The following CGRRF1 variants were observed in gnomAD, a reference collection of about 807,000 sequenced individuals.
The protein encoded by CGRRF1 is cell growth regulator with RING finger domain protein 1.
CGRRF1 carries 32 observed loss-of-function variants against 37.2 expected under a neutral mutation model. The observed-to-expected ratio is 0.86, with a 90% CI of 0.65 to 1.16. The LOEUF is 1.16. Ranked by LOEUF, CGRRF1 falls within the 50% of genes most tolerant of loss-of-function variation. CGRRF1 has a pLI of 0.00. For missense variants in CGRRF1, 391 were observed against 382.6 expected (o/e 1.02, Z -0.18); for synonymous variants, 141 against 140.3 (o/e 1.00, Z -0.04).
At position 54,538,933 on chromosome 14, in the gene CGRRF1, A is replaced by G. The variant is rs1481535346; in HGVS notation, c.*550A>G. On this transcript the variant is annotated 3_prime_UTR_variant, in exon 6 of 6. Coordinates refer to ENST00000216420, the MANE Select transcript of CGRRF1 (RefSeq NM_006568.3). The stretch of plus-strand genomic sequence containing the variant: ...ACGTAAATACAGGTCATAGTTTTAA[A>G]TATAGGTTCTTAAATCATAAATACA... The G allele has an allele frequency of 6.6e-6, 1 of 152,352 alleles. No individual in the cohort carries two copies. The highest frequency in any genetic ancestry group is 2.4e-5 in the African/African-American group (1 of 41,448). The allele number at this position is 152,352 out of a possible 1,614,324, so 9.4% of individuals were successfully genotyped here.
At chr14:54,534,518 A>G (rs1485005319) in intron 4 of CGRRF1, among the ~76,000 whole-genome samples, 1 of 152,246 alleles carries the variant, frequency 6.6e-6, no homozygotes, top group East Asian at 1.9e-4. Context: ...TACTAAATTA[A>G]TAAATCTTTA....
chr14:54,510,240 C>G (rs527700221), intron 1 of CGRRF1, 177 bp downstream of exon 1: 1 of 601,062 alleles, frequency 1.7e-6, no homozygotes, highest in Non-Finnish European at 3.0e-6. Flanking sequence ...GACGCTGCAC[C>G]TGCGTCACTG....
intron 1 of CGRRF1, among the ~76,000 whole-genome samples, chr14:54,512,478 A>G (rs1356483738): frequency 1.3e-5 from 2 of 152,272 alleles, no homozygotes; most frequent in African/African-American, 2.4e-5. Flanking sequence ...CCATGACTCC[A>G]GTAGCTATTC....
chr14:54,536,363 A>C (rs1011912537), intron 4 of CGRRF1: 1 of 152,236 alleles, frequency 6.6e-6, no homozygotes, highest in African/African-American at 2.4e-5. Flanking sequence ...GGTGGTTTCC[A>C]GTATTCTGCA....
chr14:54,512,952 A>G (rs1445375613), intron 1 of CGRRF1, among the ~76,000 whole-genome samples: 2 of 152,104 alleles, frequency 1.3e-5, no homozygotes, highest in Non-Finnish European at 2.9e-5. Context: ...ACTTCTTATC[A>G]CATAAGTAGG....
At chr14:54,532,646 C>G (rs1008478114) in intron 4 of CGRRF1, among the ~76,000 whole-genome samples, 1 of 150,876 alleles carries the variant, frequency 6.6e-6, no homozygotes, top group Admixed American at 6.6e-5. Flanking sequence ...AGTGTATTTC[C>G]AGAACCTAGT....
intron 1 of CGRRF1, among the ~76,000 whole-genome samples, chr14:54,511,767 A>T (rs958273477): frequency 6.6e-6 from 1 of 152,158 alleles, no homozygotes. Context: ...AAATCACCCC[A>T]TTTAGGTAAG....
intron 1 of CGRRF1, among the ~76,000 whole-genome samples, chr14:54,514,003 T>A (rs1220364368): frequency 6.6e-6 from 1 of 152,150 alleles, no homozygotes; most frequent in Non-Finnish European, 1.5e-5. Context: ...CCAGTCACTC[T>A]GAGCCTCCAT....
chr14:54,510,489 A>G lies in CGRRF1; in HGVS notation c.104+426A>G, dbSNP rs191045757. On this transcript the variant is annotated intron_variant, in intron 1 of 5. Transcript: ENST00000216420. The stretch of plus-strand genomic sequence containing the variant: ...ACAGACTGGACAGTAAGCGAGGTTA[A>G]CAGTTGTGATTCTGACCTGAATGGA... Among the ~76,000 whole-genome samples, 676 of 152,280 alleles carry G rather than the reference A, an allele frequency of 4.4e-3. 5 individuals are homozygous for G. The highest frequency in any genetic ancestry group is 0.016 in the African/African-American group (644 of 41,542).
intron 2 of CGRRF1, among the ~76,000 whole-genome samples, chr14:54,529,598 A>T (rs1253049949): frequency 1.3e-5 from 2 of 152,146 alleles, no homozygotes; most frequent in Non-Finnish European, 2.9e-5. Flanking sequence ...TATTTTTCTT[A>T]CAACAGCGAT....
Position 54,530,943 on chromosome 14 carries a change from C to G in CGRRF1, c.463C>G (p.Pro155Ala). 1 of 1,597,702 alleles carries G rather than the reference C, an allele frequency of 6.3e-7. No homozygotes were observed. ...CAAAGAAGAAATATATTGCCAGTTA[C>G]CAAGAGATACTAAAATTGAAGACTT... Reference protein sequence around the residue: ...DSKEEIYCQLPRDTKIEDFGT... With the variant: ...DSKEEIYCQLARDTKIEDFGT... The change falls in exon 4 of 6, where the codon CCA (proline) becomes GCA (alanine). Residue 155 changes from proline (P) to alanine (A), a missense_variant. Physicochemically the swap from Pro to Ala is conservative, Grantham distance 27. Coordinates refer to ENST00000216420, the MANE Select transcript of CGRRF1 (RefSeq NM_006568.3).
chr14:54,518,709 C>T (rs1027578312), intron 1 of CGRRF1, among the ~76,000 whole-genome samples: 1 of 152,116 alleles, frequency 6.6e-6, no homozygotes, highest in East Asian at 1.9e-4. Context: ...TGATGTTGAG[C>T]TGTTTTTCAC....
At chr14:54,524,776 C>T (rs1273564796) in intron 2 of CGRRF1, among the ~76,000 whole-genome samples, 1 of 152,086 alleles carries the variant, frequency 6.6e-6, no homozygotes, top group Non-Finnish European at 1.5e-5. Context: ...GGATCTCGGC[C>T]ACTCCCCTCC....
intron 1 of CGRRF1, among the ~76,000 whole-genome samples, chr14:54,512,850 C>T (rs576870222): frequency 3.3e-5 from 5 of 152,194 alleles, no homozygotes; most frequent in Non-Finnish European, 7.3e-5. Flanking sequence ...CATAGAGTCT[C>T]TCCTCCACAT....
chr14:54,519,938 CTT>C (rs1375713283), intron 1 of CGRRF1, among the ~76,000 whole-genome samples: 2 of 152,182 alleles, frequency 1.3e-5, no homozygotes, highest in Non-Finnish European at 2.9e-5. Context: ...TTAATCCACT[CTT>C]TTATCCATAC....
At chr14:54,518,299 A>G (rs1018058254) in intron 1 of CGRRF1, among the ~76,000 whole-genome samples, 2 of 152,082 alleles carry the variant, frequency 1.3e-5, no homozygotes, top group Non-Finnish European at 2.9e-5. Context: ...TAATCCTAGC[A>G]CTTTGGGAGG....
chr14:54,524,282 C>T (rs1464116762), intron 2 of CGRRF1, among the ~76,000 whole-genome samples: 1 of 152,158 alleles, frequency 6.6e-6, no homozygotes, highest in Non-Finnish European at 1.5e-5. Flanking sequence ...TTCATCTTTC[C>T]TGCCTCTAAC....
chr14:54,530,528 T>G, intron 3 of CGRRF1: 1 of 1,323,604 alleles, frequency 7.6e-7, no homozygotes. Flanking sequence ...GAATAAGCAC[T>G]CCCCAAGCAT....
At chr14:54,513,798 T>G (rs1290592884) in intron 1 of CGRRF1, among the ~76,000 whole-genome samples, 1 of 152,122 alleles carries the variant, frequency 6.6e-6, no homozygotes, top group Admixed American at 6.6e-5. Context: ...AAACTCGGTC[T>G]CTACAAAAAA....
Sources: gnomAD v4.1 joint callset for allele counts (sites outside exome capture counted in the v4.1 genomes callset) on GRCh38, gnomAD v4.1.1 for gene constraint, MANE v1.5 for transcripts, NCBI Gene and HGNC (gene_info 2026-07-23, HGNC 2026-07-21) for gene names.